The following OVCH2 variants were observed in gnomAD, a reference collection of about 807,000 sequenced individuals.
OVCH2 encodes the protein ovochymase-2.
A neutral mutation model predicts 73.7 loss-of-function variants in OVCH2; 88 were observed. That is an observed-to-expected ratio of 1.19 (90% CI 1.01 to 1.43). The LOEUF (loss-of-function observed/expected upper bound fraction) is 1.43, where lower values mean the gene tolerates loss of function less well. Ranked by LOEUF, OVCH2 falls within the 40% of genes most tolerant of loss-of-function variation. OVCH2 has a pLI of 0.00. For synonymous variants in OVCH2, 265 were observed against 234.5 expected, an observed-to-expected ratio of 1.13 and a Z score of -1.19; for missense variants, 706 against 674.5, an observed-to-expected ratio of 1.05 and a Z score of -0.52.
At chr11:7,688,008 A>G (rs1856161772), downstream of OVCH2, among the ~76,000 whole-genome samples, 1 of 152,116 alleles carries the variant, frequency 6.6e-6, no homozygotes, top group South Asian at 2.1e-4. Context: ...CCCACTCCAA[A>G]TATCATCACA....
At position 7,695,666 on chromosome 11, in the gene OVCH2, A is replaced by G. The variant is rs1856317531; in HGVS notation, c.1186T>C (p.Ser396Pro). The G allele has an allele frequency of 6.2e-7, 1 of 1,613,514 alleles. No individual in the cohort carries two copies. Among genetic ancestry groups the G allele is most frequent in the South Asian group, 1.1e-5 (1 of 90,986 alleles). ...ACGAATTTCAGCCTTAGAGAATTAG[A>G]GCCAATAAGAATGGATGAAGGGAGG... ...ESLPSSILIGSNSLRLKFVSD... is the reference protein window; with the variant it reads ...ESLPSSILIGPNSLRLKFVSD... The change falls in exon 11 of 16, where the codon TCT becomes CCT. Residue 396 changes from serine to proline, a missense_variant. Physicochemically the swap from Ser to Pro is moderately conservative, Grantham distance 74 (BLOSUM62 -1). Coordinates refer to ENST00000533663, the MANE Select transcript of OVCH2 (RefSeq NM_198185.7).
chr11:7,690,132 C>T lies in OVCH2; in HGVS notation c.1640-119G>A, dbSNP rs562597608. 6.3e-4 allele frequency: 434 copies of T among 685,148 alleles called. 5 individuals are homozygous for T. The highest frequency in any genetic ancestry group is 1.1e-3 in the South Asian group (58 of 51,452). The allele number at this position is 685,148 out of a possible 1,614,324, so 42.4% of individuals were successfully genotyped here. The stretch of plus-strand genomic sequence containing the variant: ...TTCTGGGGCACCTCAGCCAGCTAGA[C>T]TCTATAGGTATTTCAAATGAGGAGT... On this transcript the variant is annotated intron_variant, in intron 14 of 15. Transcript: ENST00000533663.
downstream of OVCH2, among the ~76,000 whole-genome samples, chr11:7,687,827 G>C (rs1212825991): frequency 6.6e-6 from 1 of 152,144 alleles, no homozygotes; most frequent in Non-Finnish European, 1.5e-5. Context: ...GGCAGATCCA[G>C]TGTCTGGTGA....
chr11:7,703,634 C>A, intron 3 of OVCH2, 64 bp downstream of exon 3: 1 of 1,298,188 alleles, frequency 7.7e-7, no homozygotes, highest in East Asian at 2.5e-5. Context: ...AGGGTTATTG[C>A]TGATGATTCC....
At chr11:7,693,073 A>G (rs988278664) in intron 12 of OVCH2, among the ~76,000 whole-genome samples, 9 of 152,212 alleles carry the variant, frequency 5.9e-5, no homozygotes, top group African/African-American at 1.7e-4. Flanking sequence ...AAGAAACAAT[A>G]AAGAGTGATC....
chr11:7,694,960 G>T, intron 12 of OVCH2, 98 bp downstream of exon 12: 1 of 1,375,822 alleles, frequency 7.3e-7, no homozygotes, highest in Non-Finnish European at 9.9e-7. Context: ...TGAAAACACA[G>T]CAGTGAATAA....
At chr11:7,693,930 T>G (rs953697510) in intron 12 of OVCH2, among the ~76,000 whole-genome samples, 3 of 152,230 alleles carry the variant, frequency 2.0e-5, no homozygotes, top group Non-Finnish European at 2.9e-5. Context: ...TCTAACTTAG[T>G]GTGGTATCCA....
rs1190762093 is a variant in OVCH2, at chr11:7,689,996, T to C, written c.1657A>G (p.Ile553Val). 2 of 1,523,450 alleles carry C rather than the reference T, an allele frequency of 1.3e-6. No homozygotes were observed. Among genetic ancestry groups the C allele is most frequent in the Non-Finnish European group, 1.8e-6 (2 of 1,135,496 alleles). 94.4% of individuals were successfully genotyped at this position (1,523,450 alleles called of 1,614,324 possible). Residue 553 changes from isoleucine (I) to valine (V), a missense_variant, in exon 15 of 16, where the codon ATC (isoleucine) becomes GTC (valine). Coordinates refer to ENST00000533663, the MANE Select transcript of OVCH2 (RefSeq NM_198185.7). ...ATTGATTCATCCTCTGATATGGAGA[T>C]GTTTAAATCTGGGTATACTGGGTAT... Reference protein sequence around the residue: ...IPKAVYPDLNISISEDESMFL... With the variant: ...IPKAVYPDLNVSISEDESMFL...
At chr11:7,704,136 A>G (rs984999821) in intron 2 of OVCH2, among the ~76,000 whole-genome samples, 4 of 152,186 alleles carry the variant, frequency 2.6e-5, no homozygotes, top group Admixed American at 2.6e-4. Flanking sequence ...AAGGTAAAAT[A>G]GTATAAGATA....
intron 2 of OVCH2, among the ~76,000 whole-genome samples, chr11:7,704,137 G>A (rs769171431): frequency 3.3e-5 from 5 of 152,128 alleles, no homozygotes; most frequent in Admixed American, 6.5e-5. Flanking sequence ...AGGTAAAATA[G>A]TATAAGATAT....
chr11:7,695,034 C>T (rs773524170), intron 12 of OVCH2, 24 bp downstream of exon 12: 21 of 1,544,552 alleles, frequency 1.4e-5, no homozygotes, highest in African/African-American at 5.5e-5. Context: ...ACCATAGCTA[C>T]GTAAGGACAG....
rs537543826 is a variant in OVCH2, at chr11:7,703,798, C to A, written c.199-9G>T. The A allele has an allele frequency of 1.9e-6, 3 of 1,595,176 alleles. No homozygotes were observed. The highest frequency in any genetic ancestry group is 2.6e-6 in the Non-Finnish European group (3 of 1,169,808). On this transcript the variant is annotated splice_polypyrimidine_tract_variant and intron_variant, in intron 2 of 15. Transcript: ENST00000533663. ...CTTTGTTTCAGAGATACCTAAATTG[C>A]AAATACCTTAAATGAAAGCAAGTTC...
At chr11:7,701,004 G>A (rs1856427435) in intron 6 of OVCH2, among the ~76,000 whole-genome samples, 1 of 152,052 alleles carries the variant, frequency 6.6e-6, no homozygotes, top group South Asian at 2.1e-4. Context: ...TGTTTCCACT[G>A]TCCCTTTATT....
chr11:7,687,306 G>A (rs1001053811), downstream of OVCH2, among the ~76,000 whole-genome samples: 2 of 111,496 alleles, frequency 1.8e-5, no homozygotes, highest in Non-Finnish European at 3.6e-5. Context: ...TGATGGCTGT[G>A]GAAATAATAA....
At chr11:7,682,569 T>C in the OVCH2 span, among the ~76,000 whole-genome samples, 7 of 152,208 alleles carry the variant, frequency 4.6e-5, no homozygotes, top group African/African-American at 9.7e-5. Context: ...AAAACATACA[T>C]TTTTCCTCTG....
the OVCH2 span, among the ~76,000 whole-genome samples, chr11:7,682,525 A>G: frequency 6.6e-6 from 1 of 152,370 alleles, no homozygotes; most frequent in East Asian, 1.9e-4. Context: ...ATTAAGAGCC[A>G]GTGGAAGAAA....
At chr11:7,681,038 C>A in the OVCH2 span, among the ~76,000 whole-genome samples, 1 of 152,108 alleles carries the variant, frequency 6.6e-6, no homozygotes, top group Admixed American at 6.5e-5. Context: ...TGTAAGCAGA[C>A]CACCCACTCC....
intron 1 of OVCH2, 136 bp downstream of exon 1, chr11:7,706,171 G>T: frequency 2.1e-6 from 2 of 936,454 alleles, no homozygotes; most frequent in Non-Finnish European, 3.2e-6. Flanking sequence ...CAAAATAATT[G>T]TTTAAAAACA....
chr11:7,683,293 T>G, the OVCH2 span, among the ~76,000 whole-genome samples: 1 of 152,170 alleles, frequency 6.6e-6, no homozygotes, highest in Admixed American at 6.5e-5. Flanking sequence ...CCCCAAATTC[T>G]GATACCTTGG....
Sources: allele counts gnomAD v4.1 joint callset (sites outside exome capture counted in the v4.1 genomes callset), GRCh38; gene constraint gnomAD v4.1.1; transcripts MANE v1.5; gene names NCBI Gene and HGNC (gene_info 2026-07-23, HGNC 2026-07-21).